Variants in ADCY2 observed in about 807,000 individuals in gnomAD.
The protein encoded by ADCY2 is adenylate cyclase type 2.
A neutral mutation model predicts 125.2 loss-of-function variants in ADCY2; 31 were observed. That is an observed-to-expected ratio of 0.25 (90% CI 0.19 to 0.33). The LOEUF (loss-of-function observed/expected upper bound fraction) is 0.33, where lower values mean the gene tolerates loss of function less well. ADCY2 is among the 10% of genes least tolerant of loss of function. ADCY2 has a pLI of 1.00. For missense variants in ADCY2, 904 were observed against 1,418.2 expected (o/e 0.64, Z 5.82); for synonymous variants, 512 against 548.4 (o/e 0.93, Z 0.93).
chr5:7,529,663 A>G (rs1734581898), intron 3 of ADCY2, among the ~76,000 whole-genome samples: 1 of 152,222 alleles, frequency 6.6e-6, no homozygotes, highest in African/African-American at 2.4e-5. Flanking sequence ...TAGATGTCCC[A>G]GGTACCCCTC....
chr5:7,597,716 G>T (rs1036509804), intron 3 of ADCY2, among the ~76,000 whole-genome samples: 1 of 152,202 alleles, frequency 6.6e-6, no homozygotes, highest in Non-Finnish European at 1.5e-5. Context: ...TGTTGAGGCT[G>T]CAGTGAGCCA....
At chr5:7,504,355 C>T (rs2126508659) in intron 2 of ADCY2, among the ~76,000 whole-genome samples, 1 of 152,232 alleles carries the variant, frequency 6.6e-6, no homozygotes, top group South Asian at 2.1e-4. Context: ...TTTGATAAAA[C>T]CAACTGAGTC....
At chr5:7,685,852 T>C (rs961148511) in intron 4 of ADCY2, among the ~76,000 whole-genome samples, 1 of 152,204 alleles carries the variant, frequency 6.6e-6, no homozygotes, top group African/African-American at 2.4e-5. Context: ...AAATGATTTC[T>C]GTTTCCTAAG....
chr5:7,679,405 TAGA>T (rs367827915), intron 4 of ADCY2, among the ~76,000 whole-genome samples: 78 of 152,352 alleles, frequency 5.1e-4, no homozygotes, highest in Middle Eastern at 6.8e-3. Context: ...TCCAACGTGT[TAGA>T]AGACTTCAGA....
intron 22 of ADCY2, among the ~76,000 whole-genome samples, chr5:7,810,217 G>A (rs1484214247): frequency 6.6e-6 from 1 of 152,040 alleles, no homozygotes; most frequent in Non-Finnish European, 1.5e-5. Flanking sequence ...AAATTGATGG[G>A]TTATCTACCT....
In ADCY2 at chr5:7,788,957, A is replaced by T. The variant is rs111266549; in HGVS notation, c.2470-685A>T. On this transcript the variant is annotated intron_variant, in intron 19 of 24. Coordinates refer to ENST00000338316, the MANE Select transcript of ADCY2 (RefSeq NM_020546.3). ...AAGACCCAAAAGACTCTTTGTCAGT[A>T]ATTGGGCCTCTCCATTCCTACAATG... Among the ~76,000 whole-genome samples the T allele has an allele frequency of 2.0e-3, 303 of 152,378 alleles. 1 individual carries two copies. The highest frequency in any genetic ancestry group is 7.1e-3 in the African/African-American group (296 of 41,594).
rs1475280593 is a variant in ADCY2 at position 7,709,931 on chromosome 5, TAGAA to T, written c.1578+547_1578+550del. ...AGATGGCTGCAATGGAGAAGGAAAA[TAGAA>T]AGGCCCATAGGAGGAGAGAAAAGTA... is the stretch of plus-strand genomic sequence containing the variant. On this transcript the variant is annotated intron_variant, in intron 10 of 24. Transcript: ENST00000338316. This position sits in a 1 kb window ranked among gnomAD's most constrained non-coding sequence, Gnocchi z 4.4. Among the ~76,000 whole-genome samples the T allele has an allele frequency of 2.0e-5, 3 of 151,952 alleles. No homozygotes were observed. In the East Asian group the frequency reaches 5.8e-4, roughly 29 times the overall value.
intron 4 of ADCY2, among the ~76,000 whole-genome samples, chr5:7,659,891 T>C (rs1739465189): frequency 6.6e-6 from 1 of 152,202 alleles, no homozygotes; most frequent in African/African-American, 2.4e-5. Flanking sequence ...CCAGATGACC[T>C]GTGTAAACAC....
intron 23 of ADCY2, among the ~76,000 whole-genome samples, chr5:7,818,661 T>A (rs1745199005): frequency 6.6e-6 from 1 of 152,176 alleles, no homozygotes; most frequent in Admixed American, 6.5e-5. Context: ...TCTCCCAAAA[T>A]GCCATATTTT....
At chr5:7,552,467 C>G (rs577034138) in intron 3 of ADCY2, among the ~76,000 whole-genome samples, 1 of 152,248 alleles carries the variant, frequency 6.6e-6, no homozygotes, top group South Asian at 2.1e-4. Flanking sequence ...GAAATAAAAT[C>G]ATCCACATAC....
intron 21 of ADCY2, among the ~76,000 whole-genome samples, chr5:7,804,069 A>AGAGAGAGAGAGAGAGAGAGAGAGAGAGC (rs1553990875): frequency 1.4e-5 from 2 of 140,502 alleles, no homozygotes; most frequent in African/African-American, 2.7e-5. Flanking sequence ...AGAGAGAGAG[A>AGAGAGAGAGAGAGAGAGAGAGAGAGAGC]GAGAGCTGGT....
intron 2 of ADCY2, among the ~76,000 whole-genome samples, chr5:7,511,748 C>T (rs1317005355): frequency 1.3e-5 from 2 of 151,926 alleles, no homozygotes; most frequent in Admixed American, 1.3e-4. Flanking sequence ...AGAAAAACAA[C>T]CACTGCAAAG....
intron 3 of ADCY2, among the ~76,000 whole-genome samples, chr5:7,621,596 T>C (rs147642421): frequency 1.3e-5 from 2 of 152,276 alleles, no homozygotes; most frequent in Non-Finnish European, 2.9e-5. Context: ...GTCTATAAGA[T>C]GAAATAATAA....
chr5:7,733,869 C>A (rs369662722), intron 14 of ADCY2, among the ~76,000 whole-genome samples: 6 of 152,164 alleles, frequency 3.9e-5, no homozygotes, highest in African/African-American at 1.4e-4. Context: ...TTCTTTCCCA[C>A]ATCTCAGAAC....
intron 10 of ADCY2, among the ~76,000 whole-genome samples, chr5:7,711,137 C>A (rs1741426512): frequency 1.3e-5 from 2 of 152,260 alleles, no homozygotes; most frequent in African/African-American, 4.8e-5. Context: ...AAGATGGAGG[C>A]ATGAATGTGA....
intron 15 of ADCY2, among the ~76,000 whole-genome samples, chr5:7,747,900 C>A (rs111539758): frequency 6.6e-6 from 1 of 152,164 alleles, no homozygotes; most frequent in African/African-American, 2.4e-5. Context: ...TGGGTTGCAC[C>A]CAAGTGCGGT....
At chr5:7,589,933 T>A (rs1413316531) in intron 3 of ADCY2, among the ~76,000 whole-genome samples, 1 of 152,148 alleles carries the variant, frequency 6.6e-6, no homozygotes, top group Non-Finnish European at 1.5e-5. Flanking sequence ...CACAGCTGAT[T>A]CCAAAAGGCC....
intron 20 of ADCY2, chr5:7,798,294 C>T (rs545253751): frequency 3.7e-4 from 57 of 152,364 alleles, no homozygotes; most frequent in African/African-American, 1.1e-3. Flanking sequence ...GGGAGTCTTC[C>T]AAAAACCCAT....
intron 2 of ADCY2, among the ~76,000 whole-genome samples, chr5:7,452,686 A>G (rs999742146): frequency 1.7e-4 from 26 of 152,176 alleles, no homozygotes; most frequent in African/African-American, 5.3e-4. Flanking sequence ...ATTGCTTTCT[A>G]TTGAGGTTGT....
Sources: gnomAD v4.1 joint callset for allele counts (sites outside exome capture counted in the v4.1 genomes callset) on GRCh38, gnomAD v4.1.1 for gene constraint, Gnocchi (gnomAD v3.1) non-coding constraint, MANE v1.5 for transcripts, NCBI Gene and HGNC (gene_info 2026-07-23, HGNC 2026-07-21) for gene names.